Variants in ASTN2 observed in about 807,000 individuals in gnomAD.
ASTN2 encodes astrotactin-2.
A neutral mutation model predicts 139.8 loss-of-function variants in ASTN2; 54 were observed. The ratio of observed to expected loss-of-function variants is 0.39; its 90% CI spans 0.31 to 0.48. The LOEUF is 0.48. Among genes scored for constraint, ASTN2 ranks in the 20% least tolerant of loss-of-function variants. The probability of loss-of-function intolerance (pLI) is 0.95; values close to 1 mark genes in which losing one functional copy is unlikely to be tolerated. For missense variants in ASTN2, 1,565 were observed against 1,725.1 expected, an observed-to-expected ratio of 0.91 and a Z score of 1.64; for synonymous variants, 756 against 719.5, an observed-to-expected ratio of 1.05 and a Z score of -0.81.
intron 2 of ASTN2, among the ~76,000 whole-genome samples, chr9:117,225,572 T>C (rs12348471): frequency 0.022 from 2,192 of 99,528 alleles, 274 homozygotes; most frequent in Non-Finnish European, 0.037. Flanking sequence ...TATATATATA[T>C]ATACAGATGA....
chr9:117,019,370 C>T (rs1162812070), intron 6 of ASTN2, among the ~76,000 whole-genome samples: 1 of 151,984 alleles, frequency 6.6e-6, no homozygotes, highest in Non-Finnish European at 1.5e-5. Context: ...CTACATGGGG[C>T]CAAGCATCCA....
chr9:117,303,838 C>T (rs181665797), intron 1 of ASTN2, among the ~76,000 whole-genome samples: 11 of 152,310 alleles, frequency 7.2e-5, no homozygotes, highest in Non-Finnish European at 1.5e-4. Flanking sequence ...GGCTGCAGGA[C>T]TTTCTCTAGC....
chr9:116,847,599 C>T (rs1356564242), intron 11 of ASTN2, among the ~76,000 whole-genome samples: 1 of 152,180 alleles, frequency 6.6e-6, no homozygotes, highest in Non-Finnish European at 1.5e-5. Flanking sequence ...ATGTGCCAGG[C>T]ACTGTTTCGA....
intron 2 of ASTN2, among the ~76,000 whole-genome samples, chr9:117,223,519 G>T (rs796345711): frequency 3.3e-5 from 5 of 152,280 alleles, no homozygotes; most frequent in African/African-American, 9.6e-5. Flanking sequence ...GGGGAAGGGG[G>T]TGTCAACAAT....
chr9:116,760,627 G>A (rs1385694040), intron 13 of ASTN2, among the ~76,000 whole-genome samples: 3 of 152,088 alleles, frequency 2.0e-5, no homozygotes, highest in Non-Finnish European at 4.4e-5. Context: ...CTGGGCCTCT[G>A]CTGTTGGTTC....
chr9:116,516,654 C>A (rs2119213561), intron 19 of ASTN2, among the ~76,000 whole-genome samples: 1 of 152,272 alleles, frequency 6.6e-6, no homozygotes, highest in South Asian at 2.1e-4. Flanking sequence ...CTGCAGTCTC[C>A]CTGAGATGAC....
chr9:117,390,022 G>C (rs1329642934), intron 1 of ASTN2, among the ~76,000 whole-genome samples: 1 of 152,150 alleles, frequency 6.6e-6, no homozygotes, highest in Non-Finnish European at 1.5e-5. Context: ...CTTGACAGCA[G>C]TGGCTCTCAA....
intron 3 of ASTN2, among the ~76,000 whole-genome samples, chr9:117,199,701 G>A (rs1020130626): frequency 2.0e-5 from 3 of 151,866 alleles, no homozygotes; most frequent in Middle Eastern, 3.2e-3. Context: ...TAGCATTGAA[G>A]CTATAAATTA....
intron 6 of ASTN2, among the ~76,000 whole-genome samples, chr9:117,008,825 T>A (rs1837432710): frequency 6.6e-6 from 1 of 152,106 alleles, no homozygotes; most frequent in Non-Finnish European, 1.5e-5. Context: ...TGGCTGAGTG[T>A]GAGGGAAATA....
chr9:116,824,523 T>TGAGC (rs1489458307), intron 11 of ASTN2, among the ~76,000 whole-genome samples: 1 of 152,100 alleles, frequency 6.6e-6, no homozygotes, highest in Non-Finnish European at 1.5e-5. Context: ...AAAACATGAG[T>TGAGC]GAGCCTGCAA....
intron 3 of ASTN2, among the ~76,000 whole-genome samples, chr9:117,145,219 G>A (rs1830167872): frequency 6.6e-6 from 1 of 152,132 alleles, no homozygotes. Flanking sequence ...GGAGAGAGCT[G>A]GACGCTCTGG....
intron 10 of ASTN2, among the ~76,000 whole-genome samples, chr9:116,879,032 C>T (rs755377290): frequency 1.3e-4 from 19 of 151,910 alleles, no homozygotes; most frequent in Middle Eastern, 3.4e-3. Flanking sequence ...AGGGGGTTGC[C>T]GTGAGCCAGG....
intron 20 of ASTN2, among the ~76,000 whole-genome samples, chr9:116,478,116 T>C (rs1210242427): frequency 1.3e-5 from 1 of 79,074 alleles, no homozygotes; most frequent in Non-Finnish European, 2.6e-5. Flanking sequence ...AGGGAGGGGG[T>C]AGGGAGGGAG....
At chr9:117,352,010 C>A (rs985665778) in intron 1 of ASTN2, among the ~76,000 whole-genome samples, 1 of 152,162 alleles carries the variant, frequency 6.6e-6, no homozygotes, top group Non-Finnish European at 1.5e-5. Context: ...CTATTAATAT[C>A]TTTTTAATTG....
At chr9:116,901,201 G>A (rs956683804) in intron 10 of ASTN2, among the ~76,000 whole-genome samples, 2 of 151,976 alleles carry the variant, frequency 1.3e-5, no homozygotes, top group Non-Finnish European at 2.9e-5. Context: ...AGGCAATAAC[G>A]CATTGCATAT....
At chr9:116,441,375 C>G (rs1847835247) in intron 21 of ASTN2, among the ~76,000 whole-genome samples, 1 of 151,956 alleles carries the variant, frequency 6.6e-6, no homozygotes, top group Non-Finnish European at 1.5e-5. Context: ...AAAACCCTGT[C>G]AAAATCTGTA....
intron 1 of ASTN2, among the ~76,000 whole-genome samples, chr9:117,337,263 T>C (rs1403489040): frequency 2.0e-5 from 3 of 152,154 alleles, no homozygotes; most frequent in Non-Finnish European, 4.4e-5. Flanking sequence ...ATGGGTTAAA[T>C]GGCATATTCA....
In ASTN2 at chr9:116,490,030, C is replaced by G. The variant is rs115531160; in HGVS notation, c.3356-2530G>C. Among the ~76,000 whole-genome samples the G allele has an allele frequency of 6.4e-3, 974 of 152,034 alleles. 7 individuals carry two copies. The highest frequency in any genetic ancestry group is 0.023 in the African/African-American group (943 of 41,454). The stretch of plus-strand genomic sequence containing the variant: ...TTTGTTACAAGGAGTTAACAGCACT[C>G]TCATGCATTTGGAGTCTACAGAGTA... On this transcript the variant is annotated intron_variant, in intron 19 of 22. Coordinates refer to ENST00000313400, the MANE Select transcript of ASTN2 (RefSeq NM_001365068.1).
In ASTN2 at chr9:116,442,434, GA is replaced by G; in HGVS notation, c.3598+18del. On this transcript the variant is annotated intron_variant, in intron 21 of 22. Coordinates refer to ENST00000313400, the MANE Select transcript of ASTN2 (RefSeq NM_001365068.1). ...GAAATATGGGAGTTACTTTGGAGTT[GA>G]AAAACTGGGTTACCTACCTTCTGCC... 1 of 1,607,782 alleles carries G rather than the reference GA, an allele frequency of 6.2e-7. No homozygotes were observed. The highest frequency in any genetic ancestry group is 8.5e-7 in the Non-Finnish European group (1 of 1,174,296).
Sources: allele counts gnomAD v4.1 joint callset (sites outside exome capture counted in the v4.1 genomes callset), GRCh38; gene constraint gnomAD v4.1.1; transcripts MANE v1.5; gene names NCBI Gene and HGNC (gene_info 2026-07-23, HGNC 2026-07-21).